The following KANK1 variants were observed in gnomAD, a reference collection of about 807,000 sequenced individuals.
The protein encoded by KANK1 is KN motif and ankyrin repeat domains 1.
KANK1 carries 109 observed loss-of-function variants against 106.2 expected under a neutral mutation model. That is an observed-to-expected ratio of 1.03 (90% CI 0.88 to 1.20). The LOEUF (loss-of-function observed/expected upper bound fraction) is 1.20. KANK1 is among the 50% of genes most tolerant of loss of function. The pLI, the probability that KANK1 is intolerant of heterozygous loss-of-function variation, is 0.00. For missense variants in KANK1, 2,399 were observed against 1,710.7 expected, an observed-to-expected ratio of 1.40 and a Z score of -7.10; for synonymous variants, 873 against 652.2, an observed-to-expected ratio of 1.34 and a Z score of -5.16.
At chr9:737,132 T>C (rs1834006363) in intron 7 of KANK1, among the ~76,000 whole-genome samples, 2 of 152,206 alleles carry the variant, frequency 1.3e-5, no homozygotes, top group South Asian at 2.1e-4. Context: ...ACACCAGTTA[T>C]TTAGCAGTAA....
rs371307399 is a variant in KANK1 at position 732,291 on chromosome 9, C to T, written c.3006-87C>T. On this transcript the variant is annotated intron_variant, in intron 5 of 11. Coordinates refer to ENST00000382297, the MANE Select transcript of KANK1 (RefSeq NM_015158.5). ...AAACCACTAGTGAAATTTCTGGAGT[C>T]AATTAGCAAATCCCTTCATAGAAAT... is the stretch of plus-strand genomic sequence containing the variant. The T allele has an allele frequency of 6.6e-4, 971 of 1,470,828 alleles. 5 individuals carry two copies. In the Middle Eastern group the frequency reaches 0.016, roughly 25 times the overall value. The allele number at this position is 1,470,828 out of a possible 1,614,324, so 91.1% of individuals were successfully genotyped here.
intron 1 of KANK1, among the ~76,000 whole-genome samples, chr9:535,926 C>G (rs190575200): frequency 9.1e-4 from 138 of 152,288 alleles, no homozygotes; most frequent in African/African-American, 3.1e-3. Context: ...CCTTCACTAC[C>G]CAATTCCAAA....
At chr9:476,235 G>A (rs899857696) in intron 3 of KANK1, among the ~76,000 whole-genome samples, 1 of 152,032 alleles carries the variant, frequency 6.6e-6, no homozygotes, top group Admixed American at 6.6e-5. Flanking sequence ...GATCCCAGGT[G>A]TTAGGCCGGG....
chr9:711,963 G>C lies in KANK1; in HGVS notation c.1197G>C (p.Arg399=). ...SSELRENGEC[R]SVAVGAEENM... The stretch of plus-strand genomic sequence containing the variant: ...AGCTCAGGGAGAATGGAGAGTGCCG[G>C]TCTGTGGCTGTGGGTGCCGAGGAGA... The change falls in exon 3 of 12, where the codon CGG becomes CGC. Residue 399 remains arginine (R), a synonymous_variant. Transcript: ENST00000382297. 6.2e-7 allele frequency: 1 copy of C among 1,614,202 alleles called. No individual in the cohort carries two copies.
At chr9:710,380 G>A (rs1040328185) in intron 2 of KANK1, among the ~76,000 whole-genome samples, 1 of 152,058 alleles carries the variant, frequency 6.6e-6, no homozygotes, top group Non-Finnish European at 1.5e-5. Flanking sequence ...CACTTTGGGA[G>A]GCCAGGTTGG....
rs1817544836 is a variant in KANK1, at chr9:710,698, A to G, written c.38-106A>G. ...CCAGGTTCAAAACATAGGTGTGTCAACTCTTAAAATCATACCAGCTTGCTG... is the reference window on the plus strand; with the variant it reads ...CCAGGTTCAAAACATAGGTGTGTCAGCTCTTAAAATCATACCAGCTTGCTG... On this transcript the variant is annotated intron_variant, in intron 2 of 11. Transcript: ENST00000382297. 5 of 1,031,042 alleles carry G rather than the reference A, an allele frequency of 4.8e-6. No individual in the cohort carries two copies. In the South Asian group the frequency reaches 8.0e-5, roughly 16 times the overall value. The allele number at this position is 1,031,042 out of a possible 1,614,324, so 63.9% of individuals were successfully genotyped here. A position where few individuals can be genotyped will look rare whatever the true frequency, so the allele number is the denominator to read the frequency against.
chr9:669,626 C>G (rs1044468889), intron 1 of KANK1, among the ~76,000 whole-genome samples: 2 of 152,016 alleles, frequency 1.3e-5, no homozygotes, highest in Non-Finnish European at 1.5e-5. Context: ...ATGTTATATC[C>G]TCCTTTTTTC....
At chr9:730,029 G>C in intron 3 of KANK1, 22 bp from the exon 4 acceptor site, 1 of 1,606,986 alleles carries the variant, frequency 6.2e-7, no homozygotes, top group Non-Finnish European at 8.5e-7. Context: ...CACACACTCT[G>C]TACCTTTCTT....
At chr9:574,106 C>T (rs367912459) in intron 1 of KANK1, among the ~76,000 whole-genome samples, 1 of 152,216 alleles carries the variant, frequency 6.6e-6, no homozygotes, top group Non-Finnish European at 1.5e-5. Flanking sequence ...ATCACTGATG[C>T]ATCACTAACA....
intron 1 of KANK1, among the ~76,000 whole-genome samples, chr9:611,886 T>C (rs953616189): frequency 6.6e-6 from 1 of 152,096 alleles, no homozygotes; most frequent in African/African-American, 2.4e-5. Flanking sequence ...ACCCGGCTAA[T>C]TTTTTGTATG....
intron 1 of KANK1, among the ~76,000 whole-genome samples, chr9:552,863 G>A (rs971087812): frequency 6.6e-6 from 1 of 152,190 alleles, no homozygotes; most frequent in Admixed American, 6.5e-5. Flanking sequence ...ACATGATTGT[G>A]GCTGGCCGCA....
At chr9:546,307 A>G (rs1488358646) in intron 1 of KANK1, among the ~76,000 whole-genome samples, 1 of 151,976 alleles carries the variant, frequency 6.6e-6, no homozygotes, top group Non-Finnish European at 1.5e-5. Flanking sequence ...TGAATCAGAG[A>G]GGGTAGGTGC....
At chr9:511,927 G>T (rs2059044417) in intron 1 of KANK1, among the ~76,000 whole-genome samples, 1 of 152,172 alleles carries the variant, frequency 6.6e-6, no homozygotes, top group South Asian at 2.1e-4. Flanking sequence ...GCTGGGCTGG[G>T]TGATTCTGCT....
rs897303235 is a variant in KANK1, at chr9:686,136, CT to C, written c.37+9133del. ...CCCTACTCATGTGCATCAGCTCTTA[CT>C]TTTTTCTAACTAAAACCAGAAAAAA... On this transcript the variant is annotated intron_variant, in intron 2 of 11. Transcript: ENST00000382297. Among the ~76,000 whole-genome samples the C allele has an allele frequency of 2.8e-4, 42 of 152,198 alleles. 1 individual carries two copies. The highest frequency in any genetic ancestry group is 1.2e-4 in the Non-Finnish European group (8 of 68,026).
chr9:582,420 C>G (rs560985418), intron 1 of KANK1, among the ~76,000 whole-genome samples: 5 of 152,078 alleles, frequency 3.3e-5, no homozygotes, highest in Non-Finnish European at 7.4e-5. Flanking sequence ...TTCCTTTTCC[C>G]TTTTCTGGCA....
chr9:656,000 G>A (rs1842058206), intron 1 of KANK1, among the ~76,000 whole-genome samples: 1 of 152,192 alleles, frequency 6.6e-6, no homozygotes, highest in Non-Finnish European at 1.5e-5. Flanking sequence ...GCCCTTTAGG[G>A]GTTACTGCCC....
chr9:679,116 G>C (rs1319940208), intron 2 of KANK1, among the ~76,000 whole-genome samples: 1 of 152,136 alleles, frequency 6.6e-6, no homozygotes, highest in Non-Finnish European at 1.5e-5. Context: ...CATTGAGGTT[G>C]AAGGCAAAAG....
At chr9:562,429 C>T (rs1193720008) in intron 1 of KANK1, among the ~76,000 whole-genome samples, 1 of 152,210 alleles carries the variant, frequency 6.6e-6, no homozygotes, top group Non-Finnish European at 1.5e-5. Context: ...GGACAAAAAG[C>T]TGCTCTAGAT....
intron 1 of KANK1, among the ~76,000 whole-genome samples, chr9:661,937 C>A (rs2138117924): frequency 6.6e-6 from 1 of 152,258 alleles, no homozygotes; most frequent in Admixed American, 6.5e-5. Flanking sequence ...TGAGAAGTGT[C>A]TGTTCATGTC....
Sources: allele counts gnomAD v4.1 joint callset (sites outside exome capture counted in the v4.1 genomes callset), GRCh38; gene constraint gnomAD v4.1.1; transcripts MANE v1.5; gene names NCBI Gene and HGNC (gene_info 2026-07-23, HGNC 2026-07-21).